Variants in SYNE2 observed in about 807,000 individuals in gnomAD.
The protein encoded by SYNE2 is spectrin repeat containing nuclear envelope protein 2, also known as nesprin-2.
SYNE2 carries 431 observed loss-of-function variants against 856.3 expected under a neutral mutation model. The ratio of observed to expected loss-of-function variants is 0.50; its 90% confidence interval spans 0.47 to 0.55. The LOEUF (loss-of-function observed/expected upper bound fraction) is 0.55, where lower values mean the gene tolerates loss of function less well. Ranked by LOEUF, SYNE2 falls within the 20% of genes least tolerant of loss-of-function variation. The probability of loss-of-function intolerance (pLI) is 0.00; values close to 1 mark genes in which losing one functional copy is unlikely to be tolerated. For synonymous variants in SYNE2, 2,923 were observed against 2,872.3 expected, an observed-to-expected ratio of 1.02 and a Z score of -0.56; for missense variants, 8,129 against 8,023.2, an observed-to-expected ratio of 1.01 and a Z score of -0.50.
At chr14:64,213,090 C>G in intron 105 of SYNE2, 85 bp downstream of exon 105, 1 of 1,372,426 alleles carries the variant, frequency 7.3e-7, no homozygotes, top group Non-Finnish European at 1.0e-6. Flanking sequence ...GGGGACCTGT[C>G]TTATAATGGT....
chr14:63,880,418 G>C (rs568191811), intron 1 of SYNE2, among the ~76,000 whole-genome samples: 7 of 151,980 alleles, frequency 4.6e-5, no homozygotes, highest in African/African-American at 1.7e-4. Flanking sequence ...AATATGTGTG[G>C]GTTACATATT....
intron 1 of SYNE2, among the ~76,000 whole-genome samples, chr14:63,904,963 A>G (rs1233065076): frequency 6.6e-6 from 1 of 152,096 alleles, no homozygotes; most frequent in Non-Finnish European, 1.5e-5. Context: ...TCTTTTATCT[A>G]TGTTGAGTTA....
At chr14:64,224,962 T>C (rs1452135972) in intron 114 of SYNE2, 37 bp from the exon 115 acceptor site, 1 of 1,606,094 alleles carries the variant, frequency 6.2e-7, no homozygotes, top group African/African-American at 1.3e-5. Flanking sequence ...GACTAAACTG[T>C]CTTCAACTTA....
intron 2 of SYNE2, among the ~76,000 whole-genome samples, chr14:63,926,721 G>A (rs1040312754): frequency 6.6e-6 from 1 of 152,180 alleles, no homozygotes; most frequent in Non-Finnish European, 1.5e-5. Context: ...TAAGACTGAG[G>A]CACACAGCTA....
intron 99 of SYNE2, among the ~76,000 whole-genome samples, chr14:64,200,288 A>G (rs1401992493): frequency 6.6e-6 from 1 of 152,092 alleles, no homozygotes; most frequent in Non-Finnish European, 1.5e-5. Context: ...TCATTCTGGG[A>G]AGAGGGAGAA....
At chr14:64,209,844 G>GA in intron 102 of SYNE2, 98 bp from the exon 103 acceptor site, 2 of 1,531,800 alleles carry the variant, frequency 1.3e-6, no homozygotes, top group East Asian at 4.5e-5. Context: ...GCAGTTTGGG[G>GA]ATGAACCCCT....
intron 1 of SYNE2, among the ~76,000 whole-genome samples, chr14:63,862,720 C>T (rs1359244086): frequency 6.6e-6 from 1 of 151,636 alleles, no homozygotes; most frequent in Non-Finnish European, 1.5e-5. Context: ...ATTTGAAAGG[C>T]AGGTTTTTAG....
At chr14:63,828,066 G>T (rs938961428) in intron 1 of SYNE2, among the ~76,000 whole-genome samples, 1 of 151,206 alleles carries the variant, frequency 6.6e-6, no homozygotes, top group African/African-American at 2.4e-5. Context: ...GTGTGGTGGT[G>T]CATGCCTGTA....
rs146642129 is a variant in SYNE2 at position 64,102,950 on chromosome 14, G to A, written c.12492+908G>A. ...TATTTCATTTAACATAATGTCTTCC[G>A]GTTCATCCATATTGTCACAAATGAC... On this transcript the variant is annotated intron_variant, in intron 64 of 115. Coordinates refer to ENST00000555002, the MANE Select transcript of SYNE2 (RefSeq NM_182914.3). Among the ~76,000 whole-genome samples, 326 of 151,938 alleles carry A rather than the reference G, an allele frequency of 2.1e-3. 2 individuals are homozygous for A. Among genetic ancestry groups the A allele is most frequent in the African/African-American group, 7.3e-3 (301 of 41,438 alleles).
intron 53 of SYNE2, among the ~76,000 whole-genome samples, chr14:64,074,880 CA>C (rs34470891): frequency 1.1e-4 from 16 of 147,824 alleles, no homozygotes; most frequent in African/African-American, 2.5e-4. Context: ...GGCTCCATCT[CA>C]AAAAAAAAAA....
intron 107 of SYNE2, 159 bp from the exon 108 acceptor site, chr14:64,216,089 T>C: frequency 1.3e-6 from 2 of 1,523,002 alleles, no homozygotes; most frequent in Non-Finnish European, 1.8e-6. Flanking sequence ...GTTGCATGAC[T>C]CATCTCATTC....
intron 57 of SYNE2, among the ~76,000 whole-genome samples, chr14:64,086,702 C>CTTTTTTTTTTTTTTTTTTTTTTTT (rs56168321): frequency 1.5e-5 from 1 of 64,652 alleles, no homozygotes; most frequent in Non-Finnish European, 2.7e-5. Flanking sequence ...GTATGCAGGT[C>CTTTTTTTTTTTTTTTTTTTTTTTT]TTTTTTTTTT....
intron 8 of SYNE2, among the ~76,000 whole-genome samples, chr14:63,957,244 T>G (rs2096251921): frequency 6.7e-6 from 1 of 149,044 alleles, no homozygotes; most frequent in Non-Finnish European, 1.5e-5. Flanking sequence ...ACTACAGGTG[T>G]GCGCCACCAT....
intron 60 of SYNE2, 29 bp from the exon 61 acceptor site, chr14:64,093,320 G>A (rs188996037): frequency 1.9e-6 from 3 of 1,612,588 alleles, no homozygotes; most frequent in South Asian, 2.2e-5. Flanking sequence ...TTATGACAAA[G>A]ATTCTTTTTT....
At chr14:63,833,853 A>G (rs1595156660) in intron 1 of SYNE2, among the ~76,000 whole-genome samples, 2 of 145,702 alleles carry the variant, frequency 1.4e-5, no homozygotes, top group African/African-American at 4.9e-5. Context: ...CCTAATCACT[A>G]ATATCCATGG....
Position 63,781,395 on chromosome 14 carries a change from A to G in SYNE2, c.-305+19409A>G, listed in dbSNP as rs1291993141. ...CATGAGATTTGCTTTCCACAGTAGT[A>G]TGAATTAGCAATCCTAAAAGTACCT... On this transcript the variant is annotated intron_variant, in intron 1 of 23. Transcript: ENST00000674003. Among the ~76,000 whole-genome samples the G allele has an allele frequency of 2.0e-5, 3 of 152,226 alleles. No individual in the cohort carries two copies. In the South Asian group the frequency reaches 6.2e-4, roughly 32 times the overall value.
intron 1 of SYNE2, among the ~76,000 whole-genome samples, chr14:63,785,926 C>T (rs1376305733): frequency 6.6e-6 from 1 of 151,810 alleles, no homozygotes; most frequent in Non-Finnish European, 1.5e-5. Context: ...GGCATCATAG[C>T]CATACCCCAT....
chr14:64,025,757 A>G (rs2096973051), intron 41 of SYNE2, among the ~76,000 whole-genome samples: 1 of 152,310 alleles, frequency 6.6e-6, no homozygotes, highest in South Asian at 2.1e-4. Flanking sequence ...ATATGTCAGT[A>G]TAGCAGAAGC....
chr14:63,891,275 GA>G (rs2095124751), intron 1 of SYNE2, among the ~76,000 whole-genome samples: 1 of 152,162 alleles, frequency 6.6e-6, no homozygotes, highest in Admixed American at 6.5e-5. Context: ...AGTTCACAAA[GA>G]AATGTGGCAC....
Sources: gnomAD v4.1 joint callset for allele counts (sites outside exome capture counted in the v4.1 genomes callset) on GRCh38, gnomAD v4.1.1 for gene constraint, MANE v1.5 for transcripts, NCBI Gene and HGNC (gene_info 2026-07-23, HGNC 2026-07-21) for gene names.